The following INPP5F variants were observed in gnomAD, a reference collection of about 807,000 sequenced individuals.
INPP5F encodes the protein phosphatidylinositide 4-phosphatase SAC2.
A neutral mutation model predicts 137.2 loss-of-function variants in INPP5F; 97 were observed. The ratio of observed to expected loss-of-function variants is 0.71; its 90% CI spans 0.60 to 0.84. INPP5F has a LOEUF of 0.84. INPP5F is among the 40% of genes least tolerant of loss of function. The probability of loss-of-function intolerance (pLI) is 0.00; values close to 1 mark genes in which losing one functional copy is unlikely to be tolerated. For missense variants in INPP5F, 1,271 were observed against 1,371.9 expected, an observed-to-expected ratio of 0.93 and a Z score of 1.16; for synonymous variants, 504 against 476.9, an observed-to-expected ratio of 1.06 and a Z score of -0.74.
At chr10:119,769,484 CT>C (rs1849273065) in intron 2 of INPP5F, among the ~76,000 whole-genome samples, 1 of 152,050 alleles carries the variant, frequency 6.6e-6, no homozygotes, top group Non-Finnish European at 1.5e-5. Flanking sequence ...GCCCAGAAAG[CT>C]GGTACAAAAT....
At chr10:119,771,883 T>TATATATATATA (rs1491430102) in intron 2 of INPP5F, among the ~76,000 whole-genome samples, 47 of 20,040 alleles carry the variant, frequency 2.3e-3, no homozygotes, top group Non-Finnish European at 3.0e-3. Context: ...TATATATATA[T>TATATATATATA]TTTTTTTTTT....
At chr10:119,821,337 C>CGTGT (rs3067616) in intron 16 of INPP5F, among the ~76,000 whole-genome samples, 10,653 of 149,966 alleles carry the variant, frequency 0.071, 500 homozygotes, top group South Asian at 0.2. Context: ...TATGCAATAA[C>CGTGT]GTGTGTGTGT....
At chr10:119,767,308 GGA>G (rs1366836380) in intron 2 of INPP5F, among the ~76,000 whole-genome samples, 3 of 151,960 alleles carry the variant, frequency 2.0e-5, no homozygotes, top group Non-Finnish European at 4.4e-5. Flanking sequence ...GTAACAATGG[GGA>G]GTTAGAGGAG....
intron 15 of INPP5F, among the ~76,000 whole-genome samples, chr10:119,820,095 A>G (rs1341133783): frequency 1.3e-5 from 2 of 152,214 alleles, no homozygotes; most frequent in Non-Finnish European, 2.9e-5. Context: ...TTTCACCTTA[A>G]TTCAGATTCT....
rs148319730 is a variant in INPP5F, at chr10:119,817,932, A to G, written c.1887-2914A>G. Among the ~76,000 whole-genome samples, 148 of 152,378 alleles carry G rather than the reference A, an allele frequency of 9.7e-4. 1 individual carries two copies. Among genetic ancestry groups the G allele is most frequent in the African/African-American group, 3.5e-3 (144 of 41,588 alleles). Reference sequence around the variant, plus strand: ...ACCAGTACCTCACTCACCTCACTGCAGTCCCAGCTGCGTTTAAATATCTGG... The same window carrying G: ...ACCAGTACCTCACTCACCTCACTGCGGTCCCAGCTGCGTTTAAATATCTGG... On this transcript the variant is annotated intron_variant, in intron 15 of 19. Coordinates refer to ENST00000650623, the MANE Select transcript of INPP5F (RefSeq NM_014937.4).
rs899930745 is a variant in INPP5F at position 119,761,990 on chromosome 10, C to G, written c.178+10834C>G. Among the ~76,000 whole-genome samples the G allele has an allele frequency of 2.0e-5, 3 of 152,192 alleles. No homozygotes were observed. The East Asian group carries it at 5.8e-4, about 29-fold the overall frequency. On this transcript the variant is annotated intron_variant, in intron 2 of 19. Coordinates refer to ENST00000650623, the MANE Select transcript of INPP5F (RefSeq NM_014937.4). ...CAGGACCACCCACGTATACCAAAAT[C>G]CATGCATGCTCAAGTCTCGAAGTTG...
rs938831247 is a variant in INPP5F, at chr10:119,746,387, G to A, written c.98-4689G>A. 2.6e-5 allele frequency among the ~76,000 whole-genome samples: 4 copies of A among 152,278 alleles called. No homozygotes were observed. In the East Asian group the frequency reaches 5.8e-4, roughly 22 times the overall value. On this transcript the variant is annotated intron_variant, in intron 1 of 19. Coordinates refer to ENST00000650623, the MANE Select transcript of INPP5F (RefSeq NM_014937.4). ...GGTTAGAGTCCTACAACTGTGGTCT[G>A]TTCATCTAAGGTCAAGGTGGTAGGG...
At chr10:119,775,877 A>G (rs1212709822) in intron 2 of INPP5F, among the ~76,000 whole-genome samples, 1 of 152,208 alleles carries the variant, frequency 6.6e-6, no homozygotes, top group Non-Finnish European at 1.5e-5. Context: ...TCAACTATAG[A>G]TTGGAAATGG....
At chr10:119,800,271 G>T (rs1488420927) in intron 9 of INPP5F, among the ~76,000 whole-genome samples, 4 of 151,866 alleles carry the variant, frequency 2.6e-5, no homozygotes, top group Admixed American at 2.6e-4. Context: ...ATTTAAAAAT[G>T]CCTGCTGGGC....
At position 119,796,768 on chromosome 10, in the gene INPP5F, T is replaced by C. The variant is rs768147780; in HGVS notation, c.723T>C (p.Ile241=). Reference sequence around the variant, plus strand: ...CCATGATCCAAGGTTTTGTGCAGATTGAAGAACTTGTGGTTAATTATACCG... The same window carrying C: ...CCATGATCCAAGGTTTTGTGCAGATCGAAGAACTTGTGGTTAATTATACCG... ...IIPMIQGFVQ[I]EELVVNYTES... The change falls in exon 7 of 20, where the codon ATT becomes ATC. Residue 241 remains isoleucine, a synonymous_variant. Coordinates refer to ENST00000650623, the MANE Select transcript of INPP5F (RefSeq NM_014937.4). The C allele has an allele frequency of 3.7e-6, 6 of 1,613,644 alleles. No homozygotes were observed. In the East Asian group the frequency reaches 6.7e-5, roughly 18 times the overall value.
At position 119,826,626 on chromosome 10, in the gene INPP5F, T is replaced by G; in HGVS notation, c.2250-5T>G. The G allele has an allele frequency of 6.4e-7, 1 of 1,559,036 alleles. No individual in the cohort carries two copies. ...AATTAACTTTTTTTCTCTTCTAATT[T>G]GTAGGAAGAGCAGTAAACCTCACGA... On this transcript the variant is annotated splice_region_variant and splice_polypyrimidine_tract_variant and intron_variant, in intron 19 of 19. Coordinates refer to ENST00000650623, the MANE Select transcript of INPP5F (RefSeq NM_014937.4).
At chr10:119,825,869 T>A (rs907876677) in intron 19 of INPP5F, 9 of 397,948 alleles carry the variant, frequency 2.3e-5, no homozygotes, top group Admixed American at 4.4e-5. Flanking sequence ...TCATGATCAG[T>A]GATCTTGCAT....
At chr10:119,794,836 C>T (rs1461289627) in intron 6 of INPP5F, among the ~76,000 whole-genome samples, 1 of 103,638 alleles carries the variant, frequency 9.6e-6, no homozygotes, top group Non-Finnish European at 2.3e-5. Flanking sequence ...GGGCGGCTGG[C>T]CGGGCGGGGG....
chr10:119,752,355 C>T (rs1455812226), intron 2 of INPP5F, among the ~76,000 whole-genome samples: 1 of 152,106 alleles, frequency 6.6e-6, no homozygotes, highest in African/African-American at 2.4e-5. Flanking sequence ...GAGGCCGAGG[C>T]AGGTGGATCA....
At chr10:119,810,305 A>G (rs568799452) in intron 14 of INPP5F, 88 bp downstream of exon 14, 3 of 676,874 alleles carry the variant, frequency 4.4e-6, no homozygotes, top group Admixed American at 5.0e-5. Flanking sequence ...AACATAATTC[A>G]TATTTTGTAA....
intron 1 of INPP5F, among the ~76,000 whole-genome samples, chr10:119,731,143 A>G (rs181604895): frequency 6.6e-6 from 1 of 151,872 alleles, no homozygotes; most frequent in African/African-American, 2.4e-5. Flanking sequence ...AATGTTAAAA[A>G]TTTTTTCTGT....
intron 3 of INPP5F, among the ~76,000 whole-genome samples, chr10:119,791,036 G>A (rs768797772): frequency 2.6e-5 from 4 of 152,184 alleles, no homozygotes; most frequent in Non-Finnish European, 5.9e-5. Flanking sequence ...TGGTTGAAAT[G>A]TCCAGCTTTT....
At chr10:119,817,991 G>A (rs538238187) in intron 15 of INPP5F, among the ~76,000 whole-genome samples, 1 of 152,378 alleles carries the variant, frequency 6.6e-6, no homozygotes, top group African/African-American at 2.4e-5. Context: ...GAAATGCGCA[G>A]TCCCAGCAGG....
At chr10:119,776,387 T>C (rs1849523440) in intron 2 of INPP5F, among the ~76,000 whole-genome samples, 1 of 151,832 alleles carries the variant, frequency 6.6e-6, no homozygotes, top group African/African-American at 2.4e-5. Flanking sequence ...GTAAGTTGAG[T>C]TTAAGTATTG....
Sources: gnomAD v4.1 joint callset for allele counts (sites outside exome capture counted in the v4.1 genomes callset) on GRCh38, gnomAD v4.1.1 for gene constraint, MANE v1.5 for transcripts, NCBI Gene and HGNC (gene_info 2026-07-23, HGNC 2026-07-21) for gene names.